The following ADGRL2 variants were observed in gnomAD, a reference collection of about 807,000 sequenced individuals.
ADGRL2 encodes calcium-independent alpha-latrotoxin receptor 2.
In ADGRL2, 44 loss-of-function variants were observed where a neutral mutation model predicts 157.4. The ratio of observed to expected loss-of-function variants is 0.28; its 90% CI spans 0.22 to 0.36. ADGRL2 has a LOEUF of 0.36. ADGRL2 is among the 10% of genes least tolerant of loss of function. The probability of loss-of-function intolerance (pLI) is 1.00; values close to 1 mark genes in which losing one functional copy is unlikely to be tolerated. For missense variants in ADGRL2, 1,510 were observed against 1,768.9 expected, an observed-to-expected ratio of 0.85 and a Z score of 2.63; for synonymous variants, 585 against 624.7, an observed-to-expected ratio of 0.94 and a Z score of 0.95.
chr1:81,853,146 C>T (rs1199562648), intron 2 of ADGRL2, among the ~76,000 whole-genome samples: 3 of 152,114 alleles, frequency 2.0e-5, no homozygotes, highest in South Asian at 4.1e-4. Context: ...GACAGGCAGA[C>T]AGAATGTTGT....
intron 1 of ADGRL2, among the ~76,000 whole-genome samples, chr1:81,418,841 C>A (rs567304310): frequency 6.6e-6 from 1 of 152,232 alleles, no homozygotes; most frequent in African/African-American, 2.4e-5. Flanking sequence ...CAATATGTAG[C>A]GATTTAACTA....
At chr1:81,835,440 G>T (rs1486996344) in intron 1 of ADGRL2, among the ~76,000 whole-genome samples, 1 of 152,086 alleles carries the variant, frequency 6.6e-6, no homozygotes, top group African/African-American at 2.4e-5. Context: ...CAGGTTTAAG[G>T]CAGGCACATT....
At chr1:81,328,820 A>G (rs1661073881) in intron 1 of ADGRL2, among the ~76,000 whole-genome samples, 1 of 152,056 alleles carries the variant, frequency 6.6e-6, no homozygotes, top group Non-Finnish European at 1.5e-5. Flanking sequence ...GAAAAATGCT[A>G]TTTGACACAC....
chr1:81,592,753 G>A (rs766050553), intron 3 of ADGRL2, among the ~76,000 whole-genome samples: 3 of 152,172 alleles, frequency 2.0e-5, no homozygotes, highest in Admixed American at 6.6e-5. Context: ...AGGTCAATTC[G>A]CCCTTATAGT....
chr1:81,406,385 A>C (rs2076854062), intron 1 of ADGRL2, among the ~76,000 whole-genome samples: 1 of 152,230 alleles, frequency 6.6e-6, no homozygotes, highest in African/African-American at 2.4e-5. Flanking sequence ...ATCTTGAGTG[A>C]AGAAGTGAAA....
At chr1:81,855,769 G>C (rs193111867) in intron 2 of ADGRL2, among the ~76,000 whole-genome samples, 1 of 152,118 alleles carries the variant, frequency 6.6e-6, no homozygotes, top group Admixed American at 6.6e-5. Context: ...TTCATCCTGT[G>C]GTCTGCCCAT....
At chr1:81,856,075 G>A (rs1475307933) in intron 2 of ADGRL2, among the ~76,000 whole-genome samples, 1 of 152,130 alleles carries the variant, frequency 6.6e-6, no homozygotes, top group Non-Finnish European at 1.5e-5. Context: ...GTGGAGTTTG[G>A]AAGGTGGTGT....
At chr1:81,472,956 TC>T (rs2078201309) in intron 2 of ADGRL2, among the ~76,000 whole-genome samples, 1 of 152,180 alleles carries the variant, frequency 6.6e-6, no homozygotes. Flanking sequence ...AGCAAAAGTG[TC>T]TGTCTGAGAA....
chr1:81,375,409 G>C (rs1298056250), intron 1 of ADGRL2, among the ~76,000 whole-genome samples: 2 of 152,214 alleles, frequency 1.3e-5, no homozygotes, highest in Admixed American at 6.5e-5. Flanking sequence ...GCAAACAGCA[G>C]CAAGATGGAT....
intron 1 of ADGRL2, among the ~76,000 whole-genome samples, chr1:81,363,240 C>T (rs1182075083): frequency 6.6e-6 from 1 of 151,956 alleles, no homozygotes; most frequent in Non-Finnish European, 1.5e-5. Flanking sequence ...TTGATTTAAT[C>T]TTGGAAAAAG....
intron 3 of ADGRL2, among the ~76,000 whole-genome samples, chr1:81,589,966 A>G (rs1287202633): frequency 6.6e-6 from 1 of 152,150 alleles, no homozygotes; most frequent in Non-Finnish European, 1.5e-5. Context: ...ATTTCCTGAC[A>G]CTTACATGAC....
At chr1:81,348,898 C>T (rs1361010487) in intron 1 of ADGRL2, among the ~76,000 whole-genome samples, 2 of 152,084 alleles carry the variant, frequency 1.3e-5, no homozygotes, top group African/African-American at 2.4e-5. Context: ...TTAATGATTC[C>T]TGTTCAGAGT....
At chr1:81,321,945 T>G (rs1294629646) in intron 1 of ADGRL2, among the ~76,000 whole-genome samples, 1 of 151,882 alleles carries the variant, frequency 6.6e-6, no homozygotes, top group Non-Finnish European at 1.5e-5. Context: ...ATGTGTACAT[T>G]ATTTAGACCA....
intron 2 of ADGRL2, among the ~76,000 whole-genome samples, chr1:81,560,028 T>C (rs912325379): frequency 2.6e-5 from 4 of 152,218 alleles, no homozygotes; most frequent in Non-Finnish European, 5.9e-5. Flanking sequence ...AGAAGAATTG[T>C]AAAAGGCCTC....
chr1:81,900,782 C>G (rs577284992), intron 2 of ADGRL2, among the ~76,000 whole-genome samples: 1 of 152,310 alleles, frequency 6.6e-6, no homozygotes, highest in African/African-American at 2.4e-5. Context: ...CTCTTTCTAA[C>G]ATACAATCAC....
chr1:81,467,759 T>C (rs12036053), intron 2 of ADGRL2, among the ~76,000 whole-genome samples: 1,555 of 152,132 alleles, frequency 0.01, 29 homozygotes, highest in East Asian at 0.066. Context: ...AATGAGACAA[T>C]AGGAGGAGTC....
intron 3 of ADGRL2, among the ~76,000 whole-genome samples, chr1:81,592,490 G>A (rs556973361): frequency 2.6e-5 from 4 of 152,150 alleles, no homozygotes; most frequent in Non-Finnish European, 4.4e-5. Flanking sequence ...CCAGTGATAA[G>A]AGCCTTATTG....
intron 2 of ADGRL2, among the ~76,000 whole-genome samples, chr1:81,507,085 G>A (rs1283078695): frequency 6.6e-6 from 1 of 151,786 alleles, no homozygotes; most frequent in African/African-American, 2.4e-5. Flanking sequence ...GTGCAATGGA[G>A]GAATTTTTTT....
intron 2 of ADGRL2, among the ~76,000 whole-genome samples, chr1:81,529,493 T>G (rs1041759415): frequency 6.6e-6 from 1 of 152,226 alleles, no homozygotes; most frequent in Non-Finnish European, 1.5e-5. Flanking sequence ...ATATATTGGG[T>G]GCAATTAGGT....
Sources: gnomAD v4.1 joint callset for allele counts (sites outside exome capture counted in the v4.1 genomes callset) on GRCh38, gnomAD v4.1.1 for gene constraint, MANE v1.5 for transcripts, NCBI Gene and HGNC (gene_info 2026-07-23, HGNC 2026-07-21) for gene names.